The following HMCN1 variants were observed in gnomAD, a reference collection of about 807,000 sequenced individuals.
HMCN1 encodes the protein hemicentin 1.
A neutral mutation model predicts 625.9 loss-of-function variants in HMCN1; 321 were observed. That is an observed-to-expected ratio of 0.51 (90% confidence interval 0.47 to 0.56). The LOEUF (loss-of-function observed/expected upper bound fraction) is 0.56. HMCN1 is among the 20% of genes least tolerant of loss of function. The pLI, the probability that HMCN1 is intolerant of heterozygous loss-of-function variation, is 0.00. For synonymous variants in HMCN1, 2,425 were observed against 2,417.6 expected (o/e 1.00, Z -0.09); for missense variants, 6,588 against 6,887.3 (o/e 0.96, Z 1.54).
rs755350731 is a variant in HMCN1 at position 186,103,637 on chromosome 1, G to A, written c.10739G>A (p.Gly3580Glu). Residue 3580 changes from glycine to glutamate, a missense_variant, in exon 69 of 107, where the codon GGA (glycine) becomes GAA (glutamate). Transcript: ENST00000271588. ...PQTDQVQTLG[G>E]GEVLRISTAQ... ...ACGGATCAAGTGCAAACTCTAGGAG[G>A]AGGAGAGGTTCTTCGAATTTCTACT... 43 of 1,613,684 alleles carry A rather than the reference G, an allele frequency of 2.7e-5. No individual in the cohort carries two copies. Among genetic ancestry groups the A allele is most frequent in the Non-Finnish European group, 3.6e-5 (43 of 1,179,788 alleles).
In HMCN1 at chr1:185,977,803, A is replaced by T. The variant is rs764507680; in HGVS notation, c.2388A>T (p.Ile796=). ...TLDVGSPPVF[I]QEPADVSMEI... is the part of the protein sequence containing the mutation. Reference sequence around the variant, plus strand: ...GTCTTCCAGCACCTCCAGTTTTCATACAAGAACCTGCTGATGTGTCTATGG... The same window carrying T: ...GTCTTCCAGCACCTCCAGTTTTCATTCAAGAACCTGCTGATGTGTCTATGG... Residue 796 remains isoleucine, a synonymous_variant, in exon 16 of 107, where the codon ATA becomes ATT. Transcript: ENST00000271588. 3 of 1,612,376 alleles carry T rather than the reference A, an allele frequency of 1.9e-6. No individual in the cohort carries two copies. The highest frequency in any genetic ancestry group is 2.2e-5 in the South Asian group (2 of 91,054).
Position 186,115,341 on chromosome 1 carries a change from A to T in HMCN1, c.11488A>T (p.Ile3830Leu), listed in dbSNP as rs888342799. The T allele has an allele frequency of 1.9e-6, 3 of 1,614,010 alleles. No individual in the cohort carries two copies. In the Admixed American group the frequency reaches 5.0e-5, roughly 27 times the overall value. The change falls in exon 75 of 107, where the codon ATA (isoleucine) becomes TTA (leucine). Residue 3830 changes from isoleucine to leucine, a missense_variant. Ile to Leu is a conservative substitution (Grantham distance 5). Around this residue, in one of 3 missense-constraint regions of HMCN1, gnomAD observed 4,628 missense variants for 4,853.1 expected, o/e 0.95. Coordinates refer to ENST00000271588, the MANE Select transcript of HMCN1 (RefSeq NM_031935.3). ...TACTCTGGCTTGTGAGGCTACTGGG[A>T]TACCAAAACCATCAATCAATTGGAG... ...QTTLACEATG[I>L]PKPSINWRKN...
intron 85 of HMCN1, among the ~76,000 whole-genome samples, chr1:186,131,703 T>G (rs879916612): frequency 6.6e-6 from 1 of 152,170 alleles, no homozygotes; most frequent in Admixed American, 6.6e-5. Flanking sequence ...TCACAAGACC[T>G]TCAGCGAAAT....
Position 185,891,608 on chromosome 1 carries a change from T to G in HMCN1, c.622-17729T>G, listed in dbSNP as rs912370729. Among the ~76,000 whole-genome samples the G allele has an allele frequency of 7.4e-4, 109 of 147,680 alleles. 8 individuals are homozygous for G. The highest frequency in any genetic ancestry group is 1.5e-5 in the Non-Finnish European group (1 of 68,028). ...TGGATATGAAATTCTGGGTTGAAAA[T>G]TCTTTTCTTTAAGAAAGTTGAATAT... On this transcript the variant is annotated intron_variant, in intron 4 of 106. Transcript: ENST00000271588.
intron 8 of HMCN1, 99 bp downstream of exon 8, chr1:185,923,752 T>A: frequency 6.0e-6 from 6 of 996,430 alleles, no homozygotes; most frequent in Non-Finnish European, 9.3e-6. Flanking sequence ...AAATAATGTC[T>A]TCATATTATT....
chr1:186,153,385 C>A (rs753954202), intron 96 of HMCN1, among the ~76,000 whole-genome samples: 46 of 152,210 alleles, frequency 3.0e-4, no homozygotes, highest in Admixed American at 1.1e-3. Context: ...TATACATTTT[C>A]TCATGAAGGA....
At chr1:186,085,251 A>C (rs1015892145) in intron 57 of HMCN1, among the ~76,000 whole-genome samples, 1 of 152,154 alleles carries the variant, frequency 6.6e-6, no homozygotes, top group Non-Finnish European at 1.5e-5. Flanking sequence ...CTTTAACACG[A>C]CCAGAGACTG....
chr1:185,768,887 A>G (rs575846208), intron 1 of HMCN1, among the ~76,000 whole-genome samples: 1 of 152,376 alleles, frequency 6.6e-6, no homozygotes, highest in East Asian at 1.9e-4. Context: ...CTTGAACAAA[A>G]TATTTAACCT....
chr1:186,165,141 T>G lies in HMCN1; in HGVS notation c.15287T>G (p.Phe5096Cys), dbSNP rs1651798533. 23 of 1,614,182 alleles carry G rather than the reference T, an allele frequency of 1.4e-5. No homozygotes were observed. Among genetic ancestry groups the G allele is most frequent in the Non-Finnish European group, 1.9e-5 (23 of 1,180,006 alleles). ...CGCAGTAATCAGTGCCCCTCCGGGT[T>G]TACCTTAGACTCAGTTGGACCTTTT... ...GDRSNQCPSG[F>C]TLDSVGPFCA... Residue 5096 changes from phenylalanine (F) to cysteine (C), a missense_variant, in exon 98 of 107, where the codon TTT (phenylalanine) becomes TGT (cysteine). By Grantham distance (205) the Phe-to-Cys change is radical. Coordinates refer to ENST00000271588, the MANE Select transcript of HMCN1 (RefSeq NM_031935.3).
intron 106 of HMCN1, 60 bp from the exon 107 acceptor site, chr1:186,189,452 T>C (rs1653572766): frequency 2.5e-6 from 4 of 1,585,362 alleles, no homozygotes; most frequent in South Asian, 1.1e-5. Flanking sequence ...TGATCACCTA[T>C]ATCATGCCTC....
rs1189549354 is a variant in HMCN1, at chr1:186,087,325, T to C, written c.9155T>C (p.Val3052Ala). The change falls in exon 59 of 107, where the codon GTT becomes GCT. Residue 3052 changes from valine (V) to alanine (A), a missense_variant. Physicochemically the swap from Val to Ala is moderately conservative, Grantham distance 64 (BLOSUM62 0). Around this residue, in one of 3 missense-constraint regions of HMCN1, gnomAD observed 4,628 missense variants for 4,853.1 expected, o/e 0.95. Transcript: ENST00000271588. ...AGCAAGAAAAAGTTTTCCCTGACTG[T>C]TTATGGTTCGTTTTTACTCTCTTCA... is the stretch of plus-strand genomic sequence containing the variant. ...GESKKKFSLTVYVPPSIKDHD... is the reference protein window; with the variant it reads ...GESKKKFSLTAYVPPSIKDHD... 6.2e-7 allele frequency: 1 copy of C among 1,611,662 alleles called. No homozygotes were observed.
chr1:186,146,029 G>GAA (rs11358358), intron 93 of HMCN1, 106 bp downstream of exon 93: 9,510 of 864,224 alleles, frequency 0.011, no homozygotes, highest in Middle Eastern at 0.015. Context: ...GGTGGAATTA[G>GAA]AAAAAAAAAA....
At chr1:185,735,094 ATTAT>A (rs770930436) in intron 1 of HMCN1, 47 bp downstream of exon 1, 2 of 1,555,042 alleles carry the variant, frequency 1.3e-6, no homozygotes, top group South Asian at 2.2e-5. Context: ...TCATGATTAC[ATTAT>A]TTCTCATGCT....
rs764807456 is a variant in HMCN1, at chr1:186,117,601, T to A, written c.11826T>A (p.Asp3942Glu). Residue 3942 changes from aspartate (D) to glutamate (E), a missense_variant, in exon 77 of 107, where the codon GAT becomes GAA. Transcript: ENST00000271588. ...KNGIRLLPRGDGYRILSSGAI... is the reference protein window; with the variant it reads ...KNGIRLLPRGEGYRILSSGAI... ...GTATAAGACTGCTTCCCAGGGGAGA[T>A]GGCTATAGAATTCTGTCCTCAGGTA... The A allele has an allele frequency of 1.2e-6, 2 of 1,613,838 alleles. No individual in the cohort carries two copies. Among genetic ancestry groups the A allele is most frequent in the Admixed American group, 3.3e-5 (2 of 60,012 alleles).
chr1:185,792,623 T>C (rs986263677), intron 1 of HMCN1, among the ~76,000 whole-genome samples: 20 of 152,226 alleles, frequency 1.3e-4, no homozygotes, highest in Non-Finnish European at 2.6e-4. Flanking sequence ...TTATCATATA[T>C]GATTTTTCAT....
intron 1 of HMCN1, among the ~76,000 whole-genome samples, chr1:185,814,235 A>T (rs968002314): frequency 1.3e-5 from 2 of 152,160 alleles, no homozygotes; most frequent in Non-Finnish European, 2.9e-5. Context: ...TTTTGAAGCA[A>T]TTGCTGATGG....
intron 4 of HMCN1, among the ~76,000 whole-genome samples, chr1:185,880,974 G>A (rs1291734225): frequency 1.3e-5 from 2 of 152,238 alleles, no homozygotes; most frequent in African/African-American, 2.4e-5. Context: ...GAGTGCTTTT[G>A]GGCACCAGCA....
At chr1:185,910,444 C>G (rs551300856) in intron 5 of HMCN1, among the ~76,000 whole-genome samples, 13 of 152,262 alleles carry the variant, frequency 8.5e-5, no homozygotes, top group African/African-American at 3.1e-4. Context: ...TTTCTACTAC[C>G]TGGAGACTCA....
At chr1:185,921,408 C>A (rs913392887) in intron 6 of HMCN1, among the ~76,000 whole-genome samples, 1 of 152,120 alleles carries the variant, frequency 6.6e-6, no homozygotes, top group Non-Finnish European at 1.5e-5. Flanking sequence ...GGGAATATTG[C>A]GTAGTTTGCA....
Sources: allele counts gnomAD v4.1 joint callset (sites outside exome capture counted in the v4.1 genomes callset), GRCh38; gene constraint gnomAD v4.1.1; regional missense constraint gnomAD v4.1.1; transcripts MANE v1.5; gene names NCBI Gene and HGNC (gene_info 2026-07-23, HGNC 2026-07-21).